Variants in SGK1 observed in about 807,000 individuals in gnomAD.
The protein encoded by SGK1 is serine/threonine-protein kinase Sgk1.
In SGK1, 26 loss-of-function variants were observed where a neutral mutation model predicts 64.2. The observed-to-expected ratio is 0.40, with a 90% CI of 0.30 to 0.56. The LOEUF is 0.56. SGK1 is among the 20% of genes least tolerant of loss of function. The probability of loss-of-function intolerance (pLI) is 0.38; values close to 1 mark genes in which losing one functional copy is unlikely to be tolerated. For missense variants in SGK1, 519 were observed against 645.6 expected (o/e 0.80, Z 2.12); for synonymous variants, 265 against 239.7 (o/e 1.11, Z -0.98).
At chr6:134,181,390 A>G (rs1775329195) in intron 3 of SGK1, among the ~76,000 whole-genome samples, 1 of 151,694 alleles carries the variant, frequency 6.6e-6, no homozygotes, top group Non-Finnish European at 1.5e-5. Context: ...TGTCGCCCAG[A>G]CTGGAGTGCA....
At chr6:134,263,696 T>A (rs1776802276) in intron 1 of SGK1, among the ~76,000 whole-genome samples, 1 of 152,182 alleles carries the variant, frequency 6.6e-6, no homozygotes, top group African/African-American at 2.4e-5. Flanking sequence ...TTAACAGGCA[T>A]GGTATTTATA....
At chr6:134,221,018 C>A (rs1776083319) in intron 2 of SGK1, among the ~76,000 whole-genome samples, 1 of 150,308 alleles carries the variant, frequency 6.7e-6, no homozygotes, top group Non-Finnish European at 1.5e-5. Context: ...AAAAAGTTTG[C>A]TCAGGCCAGG....
chr6:134,250,504 G>T (rs1356419110), intron 2 of SGK1, among the ~76,000 whole-genome samples: 2 of 152,174 alleles, frequency 1.3e-5, no homozygotes, highest in African/African-American at 2.4e-5. Context: ...AGTAAAAATA[G>T]AAAGATTTAT....
chr6:134,315,916 G>C (rs1582782489), intron 1 of SGK1, among the ~76,000 whole-genome samples: 2 of 152,190 alleles, frequency 1.3e-5, no homozygotes, highest in African/African-American at 2.4e-5. Context: ...TTTTCATAAA[G>C]GGCTCTTCCC....
At chr6:134,188,134 G>T (rs1368158981) in intron 3 of SGK1, among the ~76,000 whole-genome samples, 1 of 149,934 alleles carries the variant, frequency 6.7e-6, no homozygotes, top group Admixed American at 6.6e-5. Context: ...CACAGAATGG[G>T]TCATCTTATC....
At chr6:134,227,885 T>C (rs1271378972) in intron 2 of SGK1, among the ~76,000 whole-genome samples, 1 of 151,822 alleles carries the variant, frequency 6.6e-6, no homozygotes, top group East Asian at 1.9e-4. Flanking sequence ...CTTTTAACTC[T>C]AGTATTTATT....
chr6:134,285,691 A>C (rs1777173774), intron 1 of SGK1, among the ~76,000 whole-genome samples: 1 of 151,792 alleles, frequency 6.6e-6, no homozygotes. Context: ...AGAATTGTCT[A>C]TTCATGTCCT....
chr6:134,170,595 A>G, intron 13 of SGK1, 160 bp from the exon 14 acceptor site: 1 of 713,674 alleles, frequency 1.4e-6, no homozygotes, highest in Admixed American at 2.9e-5. Flanking sequence ...ACAGTTAAAC[A>G]TAAGAATAAT....
At chr6:134,307,595 T>C (rs1032925528) in intron 1 of SGK1, among the ~76,000 whole-genome samples, 5 of 152,188 alleles carry the variant, frequency 3.3e-5, no homozygotes, top group African/African-American at 1.2e-4. Flanking sequence ...TTGCTTATAA[T>C]AGCAAATACA....
At chr6:134,190,191 T>C (rs1379039337) in intron 3 of SGK1, among the ~76,000 whole-genome samples, 1 of 152,054 alleles carries the variant, frequency 6.6e-6, no homozygotes, top group Admixed American at 6.6e-5. Context: ...CCTATATTCA[T>C]AACTGATGGC....
chr6:134,170,450 G>T lies in SGK1; in HGVS notation c.1414-15C>A. Reference sequence around the variant, plus strand: ...TTGGGCCCACTCTGTGACGGGAAGGGAAAAACACTCTTGTCAAGAACTCAC... The same window carrying T: ...TTGGGCCCACTCTGTGACGGGAAGGTAAAAACACTCTTGTCAAGAACTCAC... On this transcript the variant is annotated splice_polypyrimidine_tract_variant and intron_variant, in intron 13 of 13. Transcript: ENST00000367858. 6.2e-7 allele frequency: 1 copy of T among 1,601,754 alleles called. No homozygotes were observed. Among genetic ancestry groups the T allele is most frequent in the Non-Finnish European group, 8.5e-7 (1 of 1,171,940 alleles).
At chr6:134,278,378 A>G (rs1027150656) in intron 1 of SGK1, among the ~76,000 whole-genome samples, 1 of 152,262 alleles carries the variant, frequency 6.6e-6, no homozygotes, top group African/African-American at 2.4e-5. Flanking sequence ...TGAAAGTCTC[A>G]TTATTAGAGC....
At chr6:134,236,788 A>G (rs1776371167) in intron 2 of SGK1, among the ~76,000 whole-genome samples, 1 of 152,150 alleles carries the variant, frequency 6.6e-6, no homozygotes, top group African/African-American at 2.4e-5. Context: ...TAGACAGACT[A>G]ATTGCAGAAT....
At chr6:134,298,369 C>A (rs139933733) in intron 1 of SGK1, 200 of 1,515,672 alleles carry the variant, frequency 1.3e-4, no homozygotes, top group Non-Finnish European at 1.7e-4. Flanking sequence ...CTCCAGGAAC[C>A]GTACCTTGCC....
At chr6:134,213,863 G>A (rs894464576) in intron 2 of SGK1, among the ~76,000 whole-genome samples, 2 of 151,838 alleles carry the variant, frequency 1.3e-5, no homozygotes, top group South Asian at 2.1e-4. Flanking sequence ...GATATAATAA[G>A]AACAGCAAAA....
chr6:134,212,777 C>T (rs1176885488), intron 2 of SGK1, among the ~76,000 whole-genome samples: 4 of 152,004 alleles, frequency 2.6e-5, no homozygotes, highest in Non-Finnish European at 5.9e-5. Context: ...TTTTTAATGC[C>T]AAAAAGTTTT....
chr6:134,257,342 A>G (rs1763508), intron 2 of SGK1, among the ~76,000 whole-genome samples: 97,850 of 152,022 alleles, frequency 0.64, 32,359 homozygotes, highest in South Asian at 0.78. Flanking sequence ...GGCAGGGGTT[A>G]CTGTGAGCTG....
intron 1 of SGK1, among the ~76,000 whole-genome samples, chr6:134,267,215 T>C (rs1231214905): frequency 6.6e-6 from 1 of 152,014 alleles, no homozygotes; most frequent in Non-Finnish European, 1.5e-5. Flanking sequence ...TTATTTCTTT[T>C]TGTTTTTTAT....
intron 1 of SGK1, chr6:134,297,821 C>G (rs1375274273): frequency 2.9e-6 from 2 of 680,018 alleles, no homozygotes; most frequent in African/African-American, 1.8e-5. Flanking sequence ...TCTTTGTATG[C>G]TGCAGGTCAT....
Sources: allele counts gnomAD v4.1 joint callset (sites outside exome capture counted in the v4.1 genomes callset), GRCh38; gene constraint gnomAD v4.1.1; transcripts MANE v1.5; gene names NCBI Gene and HGNC (gene_info 2026-07-23, HGNC 2026-07-21).